Variants in GLIS1 observed in about 807,000 individuals in gnomAD.
GLIS1 encodes the protein GLIS family zinc finger 1, also known as zinc finger protein GLIS1.
Under a neutral mutation model 63.8 loss-of-function variants are expected in GLIS1, and 24 were observed. The observed-to-expected ratio is 0.38, with a 90% CI of 0.27 to 0.53. The LOEUF is 0.53. Ranked by LOEUF, GLIS1 falls within the 20% of genes least tolerant of loss-of-function variation. The pLI is 0.85. For synonymous variants in GLIS1, 450 were observed against 482.5 expected, an observed-to-expected ratio of 0.93 and a Z score of 0.88; for missense variants, 1,036 against 1,074.1, an observed-to-expected ratio of 0.96 and a Z score of 0.50.
chr1:53,685,620 C>A (rs915069118), intron 2 of GLIS1, among the ~76,000 whole-genome samples: 2 of 151,496 alleles, frequency 1.3e-5, no homozygotes, highest in South Asian at 4.2e-4. Flanking sequence ...TTTCCCCTCT[C>A]TTCCAACAAG....
chr1:53,677,674 T>C (rs1418205720), intron 2 of GLIS1, among the ~76,000 whole-genome samples: 1 of 152,242 alleles, frequency 6.6e-6, no homozygotes, highest in Non-Finnish European at 1.5e-5. Flanking sequence ...CCCAGTCCGA[T>C]TGGACCCAGC....
chr1:53,572,453 C>T (rs952197938), intron 4 of GLIS1, among the ~76,000 whole-genome samples: 6 of 152,254 alleles, frequency 3.9e-5, no homozygotes, highest in Admixed American at 3.9e-4. Context: ...TGATCCAGTG[C>T]TCCTTCCACG....
chr1:53,632,808 TGA>T (rs967063920), intron 2 of GLIS1, among the ~76,000 whole-genome samples: 1 of 123,554 alleles, frequency 8.1e-6, no homozygotes, highest in South Asian at 2.7e-4. Context: ...AAAGGGGGAG[TGA>T]GAGAGGTGTA....
chr1:53,721,583 G>A (rs937264904), intron 2 of GLIS1, among the ~76,000 whole-genome samples: 5 of 152,208 alleles, frequency 3.3e-5, no homozygotes, highest in Admixed American at 6.5e-5. Context: ...CACCACAGCA[G>A]CCCTGGCCGA....
intron 2 of GLIS1, among the ~76,000 whole-genome samples, chr1:53,736,826 AC>A (rs1228585310): frequency 6.6e-6 from 1 of 152,166 alleles, no homozygotes; most frequent in Non-Finnish European, 1.5e-5. Context: ...TAGGCTGCCT[AC>A]CCCTTCCGAG....
chr1:53,685,240 C>G (rs564704448), intron 2 of GLIS1, among the ~76,000 whole-genome samples: 11 of 152,338 alleles, frequency 7.2e-5, no homozygotes, highest in African/African-American at 2.6e-4. Flanking sequence ...GGAGACTAGA[C>G]AGCATGCAGC....
Position 53,615,835 on chromosome 1 carries a change from C to T in GLIS1, c.260-15557G>A, listed in dbSNP as rs138933225. Among the ~76,000 whole-genome samples, 472 of 152,066 alleles carry T rather than the reference C, an allele frequency of 3.1e-3. 1 individual carries two copies. The highest frequency in any genetic ancestry group is 0.011 in the African/African-American group (457 of 41,486). On this transcript the variant is annotated intron_variant, in intron 2 of 10. Coordinates refer to ENST00000628545, the MANE Select transcript of GLIS1 (RefSeq NM_001367484.1). ...CCATCTCGGCTCACTGCAACCTCCA[C>T]CTCCTGGATTCAAGCAATAACTCAT...
At chr1:53,604,860 C>T (rs1488385705) in intron 2 of GLIS1, among the ~76,000 whole-genome samples, 1 of 151,736 alleles carries the variant, frequency 6.6e-6, no homozygotes, top group Admixed American at 6.6e-5. Context: ...GGTATATAGT[C>T]CCTGCCACAA....
chr1:53,525,931 C>CT (rs1212538269), intron 5 of GLIS1, among the ~76,000 whole-genome samples: 2 of 152,174 alleles, frequency 1.3e-5, no homozygotes, highest in African/African-American at 4.8e-5. Context: ...AGCGACTTGT[C>CT]TGATTCATCC....
chr1:53,509,213 C>T lies in GLIS1; in HGVS notation c.2137G>A (p.Ala713Thr), dbSNP rs776950446. Residue 713 changes from alanine (A) to threonine (T), a missense_variant, in exon 10 of 11, where the codon GCC becomes ACC. By Grantham distance (58) the Ala-to-Thr change is moderately conservative. Transcript: ENST00000628545. ...TCCCCGACCAGTCCGTCCCCACCGG[C>T]TGCTGGTTCAGCCATCCGGTAGCAG... Reference protein sequence around the residue: ...GDCYRMAEPAAGGDGLVGETH... With the variant: ...GDCYRMAEPATGGDGLVGETH... The T allele has an allele frequency of 6.3e-7, 1 of 1,597,758 alleles. No homozygotes were observed. The highest frequency in any genetic ancestry group is 2.3e-5 in the East Asian group (1 of 44,136).
chr1:53,682,927 A>T (rs1432719276), intron 2 of GLIS1, among the ~76,000 whole-genome samples: 1 of 152,224 alleles, frequency 6.6e-6, no homozygotes, highest in Non-Finnish European at 1.5e-5. Flanking sequence ...ACTCTGTTAG[A>T]GGCACGAAGG....
intron 6 of GLIS1, among the ~76,000 whole-genome samples, chr1:53,521,101 G>A (rs1297006059): frequency 2.0e-5 from 3 of 152,156 alleles, no homozygotes; most frequent in Admixed American, 2.0e-4. Flanking sequence ...TCCGGGACAG[G>A]GACTCAGGGA....
chr1:53,738,594 C>T (rs1646936167), intron 1 of GLIS1, among the ~76,000 whole-genome samples: 1 of 152,168 alleles, frequency 6.6e-6, no homozygotes, highest in Non-Finnish European at 1.5e-5. Context: ...AAGCTGGGGA[C>T]CCGAACCCAA....
chr1:53,604,001 A>G (rs1879738), intron 2 of GLIS1, among the ~76,000 whole-genome samples: 122,837 of 152,268 alleles, frequency 0.81, 54,211 homozygotes, highest in Non-Finnish European at 0.99. Context: ...TAAGAATTTC[A>G]TTTGGTTTTC....
intron 4 of GLIS1, among the ~76,000 whole-genome samples, chr1:53,592,586 G>C (rs941112418): frequency 6.6e-6 from 1 of 152,196 alleles, no homozygotes; most frequent in African/African-American, 2.4e-5. Flanking sequence ...TCCTAGGCAG[G>C]GGCATGTGTC....
At chr1:53,673,088 G>A (rs902795542) in intron 2 of GLIS1, among the ~76,000 whole-genome samples, 6 of 152,170 alleles carry the variant, frequency 3.9e-5, no homozygotes, top group Admixed American at 6.5e-5. Context: ...CCTAAGTGGC[G>A]CCAGTGGAGG....
chr1:53,541,850 G>A (rs751436913), intron 4 of GLIS1, among the ~76,000 whole-genome samples: 1 of 152,254 alleles, frequency 6.6e-6, no homozygotes, highest in Non-Finnish European at 1.5e-5. Context: ...GAAACTGTCT[G>A]GGGGTCTGAG....
At chr1:53,717,843 G>C (rs1307010342) in intron 2 of GLIS1, among the ~76,000 whole-genome samples, 12 of 152,158 alleles carry the variant, frequency 7.9e-5, no homozygotes, top group Non-Finnish European at 1.8e-4. Context: ...ATCTAGAAGA[G>C]TGCCTAACTC....
intron 2 of GLIS1, among the ~76,000 whole-genome samples, chr1:53,719,124 T>G (rs1469972342): frequency 6.6e-6 from 1 of 152,228 alleles, no homozygotes; most frequent in Non-Finnish European, 1.5e-5. Context: ...GCCCAGGTCC[T>G]TGAACACTGC....
Sources: gnomAD v4.1 joint callset for allele counts (sites outside exome capture counted in the v4.1 genomes callset) on GRCh38, gnomAD v4.1.1 for gene constraint, MANE v1.5 for transcripts, NCBI Gene and HGNC (gene_info 2026-07-23, HGNC 2026-07-21) for gene names.